Variants in CTBP2 observed in about 807,000 individuals in gnomAD.
The protein encoded by CTBP2 is C-terminal binding protein 2.
In CTBP2, 30 loss-of-function variants were observed where a neutral mutation model predicts 80.3. That is an observed-to-expected ratio of 0.37 (90% CI 0.28 to 0.51). The LOEUF is 0.51. Among genes scored for constraint, CTBP2 ranks in the 20% least tolerant of loss-of-function variants. The probability of loss-of-function intolerance (pLI) is 0.93; values close to 1 mark genes in which losing one functional copy is unlikely to be tolerated. For synonymous variants in CTBP2, 594 were observed against 587.4 expected, an observed-to-expected ratio of 1.01 and a Z score of -0.16; for missense variants, 1,212 against 1,375.3, an observed-to-expected ratio of 0.88 and a Z score of 1.88.
At chr10:124,996,246 T>C (rs1400424733) in intron 4 of CTBP2, 1 of 150,842 alleles carries the variant, frequency 6.6e-6, no homozygotes, top group African/African-American at 2.4e-5. Context: ...ACAGGCTGCC[T>C]TTCCTTCAGT....
chr10:125,098,396 A>T (rs570414955), intron 2 of CTBP2, among the ~76,000 whole-genome samples: 1 of 152,232 alleles, frequency 6.6e-6, no homozygotes, highest in South Asian at 2.1e-4. Flanking sequence ...CTGAGAATAT[A>T]GTAATATCAA....
intron 2 of CTBP2, among the ~76,000 whole-genome samples, chr10:125,099,708 G>A (rs1246878105): frequency 6.6e-6 from 1 of 152,254 alleles, no homozygotes; most frequent in Non-Finnish European, 1.5e-5. Context: ...ACCAGGGGAG[G>A]TGGCACCTCC....
chr10:125,064,990 T>C (rs1009237846), intron 2 of CTBP2, among the ~76,000 whole-genome samples: 8 of 152,246 alleles, frequency 5.3e-5, no homozygotes, highest in Non-Finnish European at 1.2e-4. Context: ...CTCTAATGAT[T>C]ATCTGAAACA....
chr10:125,070,584 A>AATG (rs1316784060), intron 2 of CTBP2, among the ~76,000 whole-genome samples: 10 of 149,510 alleles, frequency 6.7e-5, no homozygotes, highest in East Asian at 1.9e-4. Flanking sequence ...TAATAATAAT[A>AATG]ATGATTACCA....
intron 1 of CTBP2, among the ~76,000 whole-genome samples, chr10:125,022,474 G>C (rs1957143888): frequency 6.6e-6 from 1 of 151,940 alleles, no homozygotes; most frequent in Non-Finnish European, 1.5e-5. Context: ...AGGAAGAACA[G>C]CAGGGGTACA....
rs1265217140 is a variant in CTBP2 at position 125,098,750 on chromosome 10, C to CAGAGAGAGAGAGAG, written c.-102+12226_-102+12239dup. On this transcript the variant is annotated intron_variant, in intron 2 of 10. Coordinates refer to the CTBP2 transcript ENST00000337195. The stretch of plus-strand genomic sequence containing the variant: ...AGAGAGAGAGAGAGAGAGAGAGAGA[C>CAGAGAGAGAGAGAG]AGAGAGAGAGAGAGAGAGAGAGAGA... Among the ~76,000 whole-genome samples, 9 of 75,504 alleles carry CAGAGAGAGAGAGAG rather than the reference C, an allele frequency of 1.2e-4. 1 individual carries two copies. The highest frequency in any genetic ancestry group is 1.5e-4 in the Admixed American group (1 of 6,516). 49.5% of individuals were successfully genotyped at this position (75,504 alleles called of 152,430 possible).
rs141285375 is a variant in CTBP2 at position 125,057,542 on chromosome 10, G to A, written c.-101-18387C>T. On this transcript the variant is annotated intron_variant, in intron 2 of 10. Transcript: ENST00000337195. ...CCCGACTGAGTCTTTTGGGGATGAC[G>A]TTTTTGCTGTGAGTGCGTATCCCTT... 2.1e-4 allele frequency among the ~76,000 whole-genome samples: 32 copies of A among 152,278 alleles called. 1 individual carries two copies. In the East Asian group the frequency reaches 5.6e-3, roughly 27 times the overall value.
At chr10:125,056,713 A>T (rs922363222) in intron 2 of CTBP2, among the ~76,000 whole-genome samples, 4 of 152,090 alleles carry the variant, frequency 2.6e-5, no homozygotes, top group African/African-American at 9.7e-5. Flanking sequence ...GACAGTCTGC[A>T]CTCTTAGTCG....
At chr10:125,138,463 G>A (rs562506818) in intron 1 of CTBP2, among the ~76,000 whole-genome samples, 2 of 152,170 alleles carry the variant, frequency 1.3e-5, no homozygotes, top group East Asian at 1.9e-4. Flanking sequence ...AATGACCTTC[G>A]GCAGTTCAGA....
intron 2 of CTBP2, among the ~76,000 whole-genome samples, chr10:125,060,488 GTGTGTGTGTGTGTACA>G (rs1278701174): frequency 6.6e-6 from 1 of 151,952 alleles, no homozygotes; most frequent in African/African-American, 2.4e-5. Flanking sequence ...GTGTGTGTGT[GTGTGTGTGTGTGTACA>G]TGTGTGTGTC....
At chr10:125,006,273 C>A (rs982714040) in intron 1 of CTBP2, among the ~76,000 whole-genome samples, 2 of 145,360 alleles carry the variant, frequency 1.4e-5, no homozygotes, top group African/African-American at 2.5e-5. Context: ...GGTTCTCATG[C>A]TGGGAAAAGA....
chr10:125,110,605 C>T (rs1264210905), intron 2 of CTBP2, among the ~76,000 whole-genome samples: 2 of 152,208 alleles, frequency 1.3e-5, no homozygotes, highest in Non-Finnish European at 2.9e-5. Flanking sequence ...ATGACTGACT[C>T]GGGGTGTCAT....
rs1321170652 is a variant in CTBP2, at chr10:124,988,707, G to C, written c.*811C>G. 1.3e-5 allele frequency: 2 copies of C among 152,532 alleles called. No homozygotes were observed. The highest frequency in any genetic ancestry group is 2.9e-5 in the Non-Finnish European group (2 of 68,034). The allele number at this position is 152,532 out of a possible 1,614,324, so 9.4% of individuals were successfully genotyped here. The stretch of plus-strand genomic sequence containing the variant: ...ACTTTATCAATGTCTAAAAAAGTGG[G>C]TTTGTTCATAGACAATCTGACAAGT... On this transcript the variant is annotated 3_prime_UTR_variant, in exon 9 of 9. Coordinates refer to ENST00000309035, the MANE Select transcript of CTBP2 (RefSeq NM_022802.3).
chr10:125,118,443 A>G (rs1463710333), intron 1 of CTBP2, among the ~76,000 whole-genome samples: 1 of 152,166 alleles, frequency 6.6e-6, no homozygotes, highest in East Asian at 1.9e-4. Flanking sequence ...CGGGGCTGCC[A>G]TGGGCCAAGT....
intron 2 of CTBP2, 62 bp downstream of exon 4, chr10:125,003,276 G>C: frequency 6.3e-7 from 1 of 1,590,970 alleles, no homozygotes; most frequent in Non-Finnish European, 8.5e-7. Context: ...TCTAATGGGG[G>C]GATGCTGGGG....
intron 1 of CTBP2, among the ~76,000 whole-genome samples, chr10:125,140,435 G>A (rs755578523): frequency 6.6e-5 from 10 of 152,060 alleles, no homozygotes; most frequent in Non-Finnish European, 1.3e-4. Context: ...AGGACATTTC[G>A]GGCAACGACC....
At chr10:125,149,110 C>T (rs1053230770) in intron 1 of CTBP2, among the ~76,000 whole-genome samples, 2 of 152,148 alleles carry the variant, frequency 1.3e-5, no homozygotes, top group African/African-American at 4.8e-5. Flanking sequence ...CAAAGGATCC[C>T]TGAAACCTGG....
rs138895932 is a variant in CTBP2, at chr10:125,138,850, C to T, written c.-206+21469G>A. ...AACTCCAAACATACCTGTGCCCGTC[C>T]GTCTCTTCACTCGGCTAACTGTGCA... On this transcript the variant is annotated intron_variant, in intron 1 of 10. Transcript: ENST00000337195. 4.8e-4 allele frequency among the ~76,000 whole-genome samples: 73 copies of T among 152,270 alleles called. 1 individual carries two copies. The highest frequency in any genetic ancestry group is 3.4e-3 in the Middle Eastern group (1 of 294).
At chr10:125,155,884 C>T (rs1383931239) in intron 1 of CTBP2, among the ~76,000 whole-genome samples, 1 of 152,128 alleles carries the variant, frequency 6.6e-6, no homozygotes, top group Non-Finnish European at 1.5e-5. Context: ...TGATATCTGC[C>T]AGGCCGCACA....
Sources: allele counts gnomAD v4.1 joint callset (sites outside exome capture counted in the v4.1 genomes callset), GRCh38; gene constraint gnomAD v4.1.1; transcripts MANE v1.5; gene names NCBI Gene and HGNC (gene_info 2026-07-23, HGNC 2026-07-21).